Variants in PICK1 observed in about 807,000 individuals in gnomAD.
PICK1 encodes PRKCA-binding protein.
In PICK1, 23 loss-of-function variants were observed where a neutral mutation model predicts 48.9. That is an observed-to-expected ratio of 0.47 (90% CI 0.34 to 0.67). The LOEUF is 0.67. PICK1 is among the 30% of genes least tolerant of loss of function. The pLI is 0.01. For missense variants in PICK1, 423 were observed against 557.1 expected (o/e 0.76, Z 2.42); for synonymous variants, 217 against 228.2 (o/e 0.95, Z 0.44).
intron 7 of PICK1, among the ~76,000 whole-genome samples, chr22:38,071,247 G>A (rs1224847410): frequency 2.6e-5 from 4 of 152,114 alleles, no homozygotes; most frequent in Admixed American, 2.0e-4. Context: ...GAGAGGCTGA[G>A]GCATGAGAAT....
chr22:38,074,045 G>A lies in PICK1; in HGVS notation c.834+222G>A, dbSNP rs1028918093. 3.2e-6 allele frequency: 2 copies of A among 634,376 alleles called. No individual in the cohort carries two copies. The highest frequency in any genetic ancestry group is 5.5e-6 in the Non-Finnish European group (2 of 364,814). 39.3% of individuals were successfully genotyped at this position (634,376 alleles called of 1,614,324 possible). ...TCTGGGGGACTCTTGGAGGGAAATC[G>A]GATTTTCTTCACTCCTATGAGGCGC... On this transcript the variant is annotated intron_variant, in intron 11 of 12. Coordinates refer to ENST00000356976, the MANE Select transcript of PICK1 (RefSeq NM_012407.4). This position sits in a 1 kb window ranked among gnomAD's most constrained non-coding sequence, Gnocchi z 4.5.
Position 38,074,995 on chromosome 22 carries a change from T to A in PICK1, c.1111T>A (p.Tyr371Asn). ...AGACCTGGCGCACACCACATTGGCCTATGGCCTCAACCAGGAGGAGTTCAC... is the reference window on the plus strand; with the variant it reads ...AGACCTGGCGCACACCACATTGGCCAATGGCCTCAACCAGGAGGAGTTCAC... Reference protein sequence around the residue: ...EVDLAHTTLAYGLNQEEFTDG... With the variant: ...EVDLAHTTLANGLNQEEFTDG... The change falls in exon 13 of 13, where the codon TAT becomes AAT. Residue 371 changes from tyrosine to asparagine, a missense_variant. This residue lies in a region of PICK1 where 144 missense variants were observed against 139.3 expected (regional missense o/e 1.03). Transcript: ENST00000356976. This position sits in a 1 kb window ranked among gnomAD's most constrained non-coding sequence, Gnocchi z 4.5. 6.2e-7 allele frequency: 1 copy of A among 1,613,630 alleles called. No individual in the cohort carries two copies. The highest frequency in any genetic ancestry group is 1.7e-5 in the Admixed American group (1 of 60,018).
In PICK1 at chr22:38,074,633, T is replaced by C. The variant is rs1233447216; in HGVS notation, c.979+182T>C. ...TGCGCGTGGGCTCCGTGGGCTGCCA[T>C]CCATGATCCATTTACCCTGCAGCCT... On this transcript the variant is annotated intron_variant, in intron 12 of 12. Transcript: ENST00000356976. This position sits in a 1 kb window ranked among gnomAD's most constrained non-coding sequence, Gnocchi z 4.5. Among the ~76,000 whole-genome samples the C allele has an allele frequency of 6.6e-6, 1 of 152,196 alleles. No individual in the cohort carries two copies. Among genetic ancestry groups the C allele is most frequent in the Non-Finnish European group, 1.5e-5 (1 of 68,034 alleles).
At chr22:38,067,650 A>T (rs1399752389) in intron 4 of PICK1, 54 bp from the exon 5 acceptor site, 33 of 1,505,362 alleles carry the variant, frequency 2.2e-5, no homozygotes, top group Non-Finnish European at 5.5e-6. Flanking sequence ...TTGGCTGGGA[A>T]GGGGCTCAGG....
intron 3 of PICK1, among the ~76,000 whole-genome samples, chr22:38,060,641 C>G (rs980085774): frequency 1.2e-4 from 19 of 152,212 alleles, no homozygotes; most frequent in Admixed American, 1.0e-3. Context: ...AGACCTCCCC[C>G]AGGCCTGGCC....
chr22:38,075,091 G>C lies in PICK1; in HGVS notation c.1207G>C (p.Ala403Pro). The C allele has an allele frequency of 1.9e-6, 3 of 1,612,654 alleles. No individual in the cohort carries two copies. Among genetic ancestry groups the C allele is most frequent in the Non-Finnish European group, 1.7e-6 (2 of 1,179,950 alleles). ...GEPSRDTRGAAGPLDKGGSWC... is the reference protein window; with the variant it reads ...GEPSRDTRGAPGPLDKGGSWC... Reference sequence around the variant, plus strand: ...GCCGTCCAGGGATACACGAGGGGCTGCTGGGCCCTTGGACAAGGGTGGAAG... The same window carrying C: ...GCCGTCCAGGGATACACGAGGGGCTCCTGGGCCCTTGGACAAGGGTGGAAG... Residue 403 changes from alanine to proline, a missense_variant, in exon 13 of 13, where the codon GCT (alanine) becomes CCT (proline). Coordinates refer to ENST00000356976, the MANE Select transcript of PICK1 (RefSeq NM_012407.4).
At chr22:38,059,016 A>T (rs960556533) in intron 2 of PICK1, among the ~76,000 whole-genome samples, 6 of 152,146 alleles carry the variant, frequency 3.9e-5, no homozygotes, top group Admixed American at 6.5e-5. Context: ...TCAAAAAAAA[A>T]CCAAGTTCCA....
Position 38,070,907 on chromosome 22 carries a change from C to A in PICK1, c.493+16C>A. 6.2e-7 allele frequency: 1 copy of A among 1,610,938 alleles called. No homozygotes were observed. On this transcript the variant is annotated intron_variant, in intron 7 of 12. Coordinates refer to ENST00000356976, the MANE Select transcript of PICK1 (RefSeq NM_012407.4). Reference sequence around the variant, plus strand: ...CTATACAAAGGTGGGTGGGGGGTGGCCTCGTCCTGGCACTAGCTCTACCCC... The same window carrying A: ...CTATACAAAGGTGGGTGGGGGGTGGACTCGTCCTGGCACTAGCTCTACCCC...
intron 8 of PICK1, 44 bp from the exon 9 acceptor site, chr22:38,072,433 G>C (rs1269128005): frequency 1.2e-6 from 2 of 1,602,944 alleles, no homozygotes; most frequent in Non-Finnish European, 1.7e-6. Context: ...GCTTCTCTTA[G>C]GGGGCCAAGT....
intron 4 of PICK1, among the ~76,000 whole-genome samples, chr22:38,065,733 C>G (rs2085508946): frequency 6.6e-6 from 1 of 152,260 alleles, no homozygotes; most frequent in African/African-American, 2.4e-5. Context: ...CAGGCGGCAT[C>G]CCGGCCTCTC....
Position 38,073,153 on chromosome 22 carries a change from T to C in PICK1, c.783+61T>C. Reference sequence around the variant, plus strand: ...CGCCCACCCTGGAGATCTGCCCCACTTCAGTCAGCCATGCTGCGGCCAGCG... The same window carrying C: ...CGCCCACCCTGGAGATCTGCCCCACCTCAGTCAGCCATGCTGCGGCCAGCG... On this transcript the variant is annotated intron_variant, in intron 10 of 12. Transcript: ENST00000356976. This position sits in a 1 kb window ranked among gnomAD's most constrained non-coding sequence, Gnocchi z 5.7. The C allele has an allele frequency of 8.9e-7, 1 of 1,119,834 alleles. No individual in the cohort carries two copies. The highest frequency in any genetic ancestry group is 2.3e-5 in the East Asian group (1 of 42,652). 69.4% of individuals were successfully genotyped at this position (1,119,834 alleles called of 1,614,324 possible). A position where few individuals can be genotyped will look rare whatever the true frequency, so the allele number is the denominator to read the frequency against.
At chr22:38,067,543 A>G in intron 4 of PICK1, 161 bp from the exon 5 acceptor site, 1 of 663,780 alleles carries the variant, frequency 1.5e-6, no homozygotes, top group Non-Finnish European at 2.8e-6. Flanking sequence ...TCCTGACCTC[A>G]AGTGATCTGC....
intron 3 of PICK1, among the ~76,000 whole-genome samples, chr22:38,064,488 A>G (rs2085478041): frequency 6.6e-6 from 1 of 152,120 alleles, no homozygotes; most frequent in South Asian, 2.1e-4. Context: ...GCCGCCGGGC[A>G]CGGTGGCTCA....
At chr22:38,067,933 C>T in intron 5 of PICK1, 163 bp downstream of exon 5, 1 of 708,874 alleles carries the variant, frequency 1.4e-6, no homozygotes, top group Middle Eastern at 2.3e-4. Context: ...TCTGAAAGGC[C>T]TGGGAGGCCT....
intron 7 of PICK1, 51 bp downstream of exon 7, chr22:38,070,942 G>A: frequency 6.7e-7 from 1 of 1,490,174 alleles, no homozygotes; most frequent in Non-Finnish European, 9.4e-7. Context: ...CAGGGAGCAT[G>A]CTCTCAGCAG....
At position 38,074,831 on chromosome 22, in the gene PICK1, C is replaced by A. The variant is rs374245030; in HGVS notation, c.980-33C>A. On this transcript the variant is annotated intron_variant, in intron 12 of 12. Coordinates refer to ENST00000356976, the MANE Select transcript of PICK1 (RefSeq NM_012407.4). This position sits in a 1 kb window ranked among gnomAD's most constrained non-coding sequence, Gnocchi z 4.5. ...CTCCCTGAGGCAGGCAGCCAGAGCC[C>A]ACTGCAGCCTGTCCCCCGACCTCCC... 3 of 1,604,860 alleles carry A rather than the reference C, an allele frequency of 1.9e-6. No homozygotes were observed. Among genetic ancestry groups the A allele is most frequent in the African/African-American group, 2.7e-5 (2 of 74,914 alleles).
intron 5 of PICK1, chr22:38,068,090 A>G (rs1281967380): frequency 3.9e-6 from 2 of 507,266 alleles, no homozygotes; most frequent in Non-Finnish European, 8.0e-6. Context: ...CTCGGCTTCC[A>G]TGGCCCAGGG....
intron 5 of PICK1, chr22:38,068,055 A>G (rs773389757): frequency 1.8e-6 from 1 of 559,748 alleles, no homozygotes; most frequent in Non-Finnish European, 3.5e-6. Flanking sequence ...TTGCTACCCT[A>G]GGGTTGTCCT....
At position 38,072,623 on chromosome 22, in the gene PICK1, G is replaced by A; in HGVS notation, c.690+13G>A. 1.2e-6 allele frequency: 2 copies of A among 1,612,688 alleles called. No individual in the cohort carries two copies. Among genetic ancestry groups the A allele is most frequent in the Non-Finnish European group, 1.7e-6 (2 of 1,180,026 alleles). ...AACCATCAAGCCGGTAGGTCCTATT[G>A]AGCATGTGTGTGTCTGGCGTGTGAG... is the stretch of plus-strand genomic sequence containing the variant. On this transcript the variant is annotated intron_variant, in intron 9 of 12. Transcript: ENST00000356976.
Sources: allele counts gnomAD v4.1 joint callset (sites outside exome capture counted in the v4.1 genomes callset), GRCh38; gene constraint gnomAD v4.1.1; regional missense constraint gnomAD v4.1.1; non-coding constraint Gnocchi (gnomAD v3.1); transcripts MANE v1.5; gene names NCBI Gene and HGNC (gene_info 2026-07-23, HGNC 2026-07-21).